The following DNAH1 variants were observed in gnomAD, a reference collection of about 807,000 sequenced individuals.
DNAH1 encodes axonemal beta dynein heavy chain 1.
In DNAH1, 327 loss-of-function variants were observed where a neutral mutation model predicts 484.3. That is an observed-to-expected ratio of 0.68 (90% CI 0.62 to 0.74). The LOEUF (loss-of-function observed/expected upper bound fraction) is 0.74, where lower values mean the gene tolerates loss of function less well. Ranked by LOEUF, DNAH1 falls within the 30% of genes least tolerant of loss-of-function variation. The probability of loss-of-function intolerance (pLI) is 0.00; values close to 1 mark genes in which losing one functional copy is unlikely to be tolerated. For synonymous variants in DNAH1, 2,192 were observed against 2,191.9 expected, an observed-to-expected ratio of 1.00 and a Z score of 0.00; for missense variants, 5,052 against 5,546.8, an observed-to-expected ratio of 0.91 and a Z score of 2.83.
At position 52,353,210 on chromosome 3, in the gene DNAH1, C is replaced by T. The variant is rs774105659; in HGVS notation, c.3135C>T (p.Leu1045=). 6.2e-7 allele frequency: 1 copy of T among 1,614,022 alleles called. No individual in the cohort carries two copies. The highest frequency in any genetic ancestry group is 8.5e-7 in the Non-Finnish European group (1 of 1,179,896). ...RWSESWMNDP[L]SAIDAEQLEK... ...CGGAGAGCTGGATGAATGACCCCCT[C>T]TCTGCCATCGATGCTGAGCAGCTGG... The change falls in exon 19 of 78, where the codon CTC becomes CTT. Residue 1045 remains leucine (L), a synonymous_variant. Coordinates refer to ENST00000420323, the MANE Select transcript of DNAH1 (RefSeq NM_015512.5). The surrounding 1 kb of genome is among the most constrained non-coding windows in gnomAD (Gnocchi z 5.0).
At chr3:52,389,821 A>G (rs995511623) in intron 60 of DNAH1, among the ~76,000 whole-genome samples, 2 of 152,170 alleles carry the variant, frequency 1.3e-5, no homozygotes, top group Non-Finnish European at 2.9e-5. Context: ...TACTTTTAAG[A>G]GTGTGATGGA....
rs1325585195 is a variant in DNAH1, at chr3:52,395,081, G to A, written c.10968+22G>A. 1.7e-5 allele frequency: 27 copies of A among 1,599,016 alleles called. No individual in the cohort carries two copies. Among genetic ancestry groups the A allele is most frequent in the Non-Finnish European group, 2.1e-5 (25 of 1,172,602 alleles). On this transcript the variant is annotated intron_variant, in intron 68 of 77. Coordinates refer to ENST00000420323, the MANE Select transcript of DNAH1 (RefSeq NM_015512.5). The surrounding 1 kb of genome is among the most constrained non-coding windows in gnomAD (Gnocchi z 4.4). ...CCAGGCAAGTGCTGGAACCCTGGCA[G>A]GACTGGCACCTTGAGCTTGTCCCCA...
upstream of DNAH1, among the ~76,000 whole-genome samples, chr3:52,312,797 C>T (rs1700832791): frequency 6.6e-6 from 1 of 152,054 alleles, no homozygotes; most frequent in African/African-American, 2.4e-5. Context: ...GGACTACAGG[C>T]GCCCACCACC....
At position 52,390,988 on chromosome 3, in the gene DNAH1, G is replaced by A; in HGVS notation, c.9675G>A (p.Gln3225=). 6.4e-7 allele frequency: 1 copy of A among 1,553,468 alleles called. No individual in the cohort carries two copies. Among genetic ancestry groups the A allele is most frequent in the Non-Finnish European group, 8.7e-7 (1 of 1,147,994 alleles). ...TLSVENGVIN[Q]FSQRWTHFID... is the part of the protein sequence containing the mutation. Reference sequence around the variant, plus strand: ...CAGTGGAGAACGGGGTCATCAACCAGTTTTCCCAGCGCTGGACCCACTTCA... The same window carrying A: ...CAGTGGAGAACGGGGTCATCAACCAATTTTCCCAGCGCTGGACCCACTTCA... The change falls in exon 61 of 78, where the codon CAG becomes CAA. Residue 3225 remains glutamine (Q), a synonymous_variant. Coordinates refer to ENST00000420323, the MANE Select transcript of DNAH1 (RefSeq NM_015512.5).
chr3:52,349,219 G>T lies in DNAH1; in HGVS notation c.2325G>T (p.Leu775Phe). ...GAACCTACCAGACGCAGGGCCTGTT[G>T]GCCCAGGAGGTGCGGGAGGTAGTGC... is the stretch of plus-strand genomic sequence containing the variant. ...FLKTYQTQGL[L>F]AQEVREVVLT... is the part of the protein sequence containing the mutation. Residue 775 changes from leucine to phenylalanine, a missense_variant, in exon 14 of 78, where the codon TTG (leucine) becomes TTT (phenylalanine). Leu to Phe is a conservative substitution (Grantham distance 22). Transcript: ENST00000420323. The T allele has an allele frequency of 6.2e-7, 1 of 1,613,738 alleles. No individual in the cohort carries two copies. Among genetic ancestry groups the T allele is most frequent in the African/African-American group, 1.3e-5 (1 of 75,040 alleles).
Position 52,326,868 on chromosome 3 carries a change from T to C in DNAH1, c.715T>C (p.Phe239Leu). ...CATCGAACAGGGCCATGACCCAATCTTCCCCATCTACCTCCCACTGAAGGT... is the reference window on the plus strand; with the variant it reads ...CATCGAACAGGGCCATGACCCAATCCTCCCCATCTACCTCCCACTGAAGGT... Reference protein sequence around the residue: ...QTIEQGHDPIFPIYLPLKVFD... With the variant: ...QTIEQGHDPILPIYLPLKVFD... Residue 239 changes from phenylalanine (F) to leucine (L), a missense_variant, in exon 5 of 78, where the codon TTC becomes CTC. Transcript: ENST00000420323. 3 of 1,612,932 alleles carry C rather than the reference T, an allele frequency of 1.9e-6. No homozygotes were observed. In the South Asian group the frequency reaches 3.3e-5, roughly 18 times the overall value.
At chr3:52,394,739 T>G in intron 67 of DNAH1, 78 bp downstream of exon 67, 1 of 1,505,568 alleles carries the variant, frequency 6.6e-7, no homozygotes, top group South Asian at 1.3e-5. Flanking sequence ...CTGGGCGCCT[T>G]CTCTAAGGGG....
intron 6 of DNAH1, 88 bp from the exon 7 acceptor site, chr3:52,331,060 C>T (rs1347105791): frequency 6.9e-7 from 1 of 1,446,886 alleles, no homozygotes; most frequent in African/African-American, 1.4e-5. Flanking sequence ...ATCTCTGAGA[C>T]CCATTCCCAG....
chr3:52,311,882 C>T (rs1037290369), upstream of DNAH1, among the ~76,000 whole-genome samples: 6 of 152,208 alleles, frequency 3.9e-5, no homozygotes, highest in Non-Finnish European at 8.8e-5. Flanking sequence ...CCCGCCAAAG[C>T]CGGGCATACA....
In DNAH1 at chr3:52,348,543, G is replaced by A. The variant is rs374052516; in HGVS notation, c.2107-345G>A. On this transcript the variant is annotated intron_variant, in intron 12 of 77. Transcript: ENST00000420323. ...CTCTGTAGCCCTAGCCCTTCTTGTC[G>A]CCTTTGCTGGTCAGTTAGAGCCTTC... Among the ~76,000 whole-genome samples the A allele has an allele frequency of 5.2e-4, 79 of 152,262 alleles. 2 individuals carry two copies. The South Asian group carries it at 0.011, about 21-fold the overall frequency.
In DNAH1 at chr3:52,355,070, C is replaced by A. The variant is rs138304417; in HGVS notation, c.3693+15C>A. ...AGCTGACCCAGGTCGGCCCTCCCCC[C>A]AGTCCTTCCCTCATCGCTCCCCCAC... On this transcript the variant is annotated intron_variant, in intron 21 of 77. Transcript: ENST00000420323. The surrounding 1 kb of genome is among the most constrained non-coding windows in gnomAD (Gnocchi z 4.5). 6.2e-6 allele frequency: 10 copies of A among 1,611,476 alleles called. No homozygotes were observed. Among genetic ancestry groups the A allele is most frequent in the East Asian group, 2.2e-5 (1 of 44,878 alleles).
chr3:52,326,084 T>C (rs1473204238), intron 3 of DNAH1, 56 bp from the exon 4 acceptor site: 37 of 1,409,554 alleles, frequency 2.6e-5, no homozygotes, highest in Non-Finnish European at 3.5e-5. Flanking sequence ...GGGTGGAGGC[T>C]GGTTTTTGGG....
chr3:52,385,475 A>G (rs771066925), intron 54 of DNAH1, 28 bp downstream of exon 54: 98 of 1,538,976 alleles, frequency 6.4e-5, no homozygotes, highest in Middle Eastern at 3.4e-4. Flanking sequence ...CCCCTCCCCA[A>G]TGCCTGACTC....
intron 10 of DNAH1, 148 bp downstream of exon 10, chr3:52,345,854 C>A (rs1702121132): frequency 1.2e-6 from 1 of 846,062 alleles, no homozygotes; most frequent in Non-Finnish European, 1.8e-6. Flanking sequence ...CTGGCCTCAG[C>A]CTCTTCCTAG....
chr3:52,339,901 T>G (rs958419496), intron 8 of DNAH1, among the ~76,000 whole-genome samples: 4 of 151,986 alleles, frequency 2.6e-5, no homozygotes, highest in African/African-American at 9.7e-5. Context: ...GAACTCAACA[T>G]TTCACTTTTG....
chr3:52,400,401 C>T lies in DNAH1; in HGVS notation c.12753C>T (p.His4251=), dbSNP rs759006505. 3.1e-6 allele frequency: 5 copies of T among 1,614,066 alleles called. No individual in the cohort carries two copies. Among genetic ancestry groups the T allele is most frequent in the Non-Finnish European group, 4.2e-6 (5 of 1,179,892 alleles). ...VEIPTHQPQR[H]WIKRGVALIC... is the part of the protein sequence containing the mutation. The stretch of plus-strand genomic sequence containing the variant: ...TCCCCACCCATCAGCCCCAGCGACA[C>T]TGGATAAAGCGTGGTGTGGCCCTCA... Residue 4251 remains histidine, a synonymous_variant, in exon 78 of 78, where the codon CAC becomes CAT. Coordinates refer to ENST00000420323, the MANE Select transcript of DNAH1 (RefSeq NM_015512.5).
chr3:52,384,807 C>G lies in DNAH1; in HGVS notation c.8344C>G (p.His2782Asp). 1.2e-6 allele frequency: 2 copies of G among 1,605,920 alleles called. No individual in the cohort carries two copies. The highest frequency in any genetic ancestry group is 1.7e-6 in the Non-Finnish European group (2 of 1,176,130). ...CCAGATCCAGGTCTGTGTGTACATC[C>G]ACCAGTCGGTGTCCAAGAAGTGCAT... is the stretch of plus-strand genomic sequence containing the variant. ...QGLIQVCVYIHQSVSKKCIEY... is the reference protein window; with the variant it reads ...QGLIQVCVYIDQSVSKKCIEY... The change falls in exon 53 of 78, where the codon CAC becomes GAC. Residue 2782 changes from histidine (H) to aspartate (D), a missense_variant. By Grantham distance (81) the His-to-Asp change is moderately conservative. Transcript: ENST00000420323.
intron 3 of DNAH1, among the ~76,000 whole-genome samples, chr3:52,324,605 C>T (rs1043374329): frequency 1.1e-4 from 16 of 152,152 alleles, no homozygotes; most frequent in African/African-American, 3.9e-4. Context: ...TCCTTCCTGC[C>T]GCTGTCCACA....
intron 32 of DNAH1, among the ~76,000 whole-genome samples, chr3:52,363,989 A>G (rs2153224457): frequency 6.6e-6 from 1 of 152,182 alleles, no homozygotes; most frequent in Non-Finnish European, 1.5e-5. Context: ...ACTATCCCAC[A>G]TGGTTTTGGA....
Sources: allele counts gnomAD v4.1 joint callset (sites outside exome capture counted in the v4.1 genomes callset), GRCh38; gene constraint gnomAD v4.1.1; non-coding constraint Gnocchi (gnomAD v3.1); transcripts MANE v1.5; gene names NCBI Gene and HGNC (gene_info 2026-07-23, HGNC 2026-07-21).